The following PSMD14 variants were observed in gnomAD, a reference collection of about 807,000 sequenced individuals.
PSMD14 encodes the protein proteasome 26S subunit, non-ATPase 14.
Under a neutral mutation model 41.2 loss-of-function variants are expected in PSMD14, and 7 were observed. The ratio of observed to expected loss-of-function variants is 0.17; its 90% CI spans 0.10 to 0.32. The LOEUF is 0.32. PSMD14 is among the 10% of genes least tolerant of loss of function. The probability of loss-of-function intolerance (pLI) is 1.00; values close to 1 mark genes in which losing one functional copy is unlikely to be tolerated. For missense variants in PSMD14, 139 were observed against 375.6 expected (o/e 0.37, Z 5.21); for synonymous variants, 114 against 122.3 (o/e 0.93, Z 0.45).
intron 3 of PSMD14, among the ~76,000 whole-genome samples, chr2:161,336,311 A>T (rs1047741057): frequency 8.5e-5 from 13 of 152,334 alleles, no homozygotes; most frequent in Admixed American, 7.2e-4. Flanking sequence ...AAGCAGAGTC[A>T]CCATATTAAT....
At chr2:161,403,825 G>T (rs1683913156) in intron 10 of PSMD14, among the ~76,000 whole-genome samples, 1 of 151,790 alleles carries the variant, frequency 6.6e-6, no homozygotes, top group Admixed American at 6.6e-5. Flanking sequence ...TCACTTTTGA[G>T]ACCCTCACCA....
intron 10 of PSMD14, among the ~76,000 whole-genome samples, chr2:161,395,618 C>T (rs1330695604): frequency 3.9e-5 from 6 of 152,130 alleles, no homozygotes; most frequent in Non-Finnish European, 5.9e-5. Context: ...ATTTTATGAA[C>T]GTTTCCATTA....
chr2:161,389,889 G>GTTGTTGTTTTTTGTTTTTTTTTT, intron 8 of PSMD14, among the ~76,000 whole-genome samples: 1 of 20,042 alleles, frequency 5.0e-5, no homozygotes, highest in Non-Finnish European at 1.0e-4. Flanking sequence ...CTTTTTTGTT[G>GTTGTTGTTTTTTGTTTTTTTTTT]TTTTTTTTTT....
chr2:161,335,049 G>C (rs1343442371), intron 3 of PSMD14, among the ~76,000 whole-genome samples: 1 of 152,228 alleles, frequency 6.6e-6, no homozygotes, highest in African/African-American at 2.4e-5. Context: ...CCATGCCTCA[G>C]AACTTCTGAG....
intron 8 of PSMD14, among the ~76,000 whole-genome samples, chr2:161,389,907 T>TTTTTTTTTTTTTTTTG (rs1683689519): frequency 8.0e-6 from 1 of 125,062 alleles, no homozygotes; most frequent in Non-Finnish European, 1.7e-5. Flanking sequence ...TTTTTTTTTT[T>TTTTTTTTTTTTTTTTG]TTTTTAGAGA....
At chr2:161,332,220 T>C (rs539615613) in intron 3 of PSMD14, among the ~76,000 whole-genome samples, 7 of 152,342 alleles carry the variant, frequency 4.6e-5, no homozygotes, top group Admixed American at 6.5e-5. Context: ...TTTCATTTTA[T>C]TCCCTATGAT....
At chr2:161,353,761 T>C (rs1683152835) in intron 3 of PSMD14, among the ~76,000 whole-genome samples, 1 of 152,218 alleles carries the variant, frequency 6.6e-6, no homozygotes, top group Non-Finnish European at 1.5e-5. Flanking sequence ...GGGCAGGGAC[T>C]TTCCTACTTG....
intron 11 of PSMD14, among the ~76,000 whole-genome samples, chr2:161,410,777 C>A (rs1684012943): frequency 6.6e-6 from 1 of 151,988 alleles, no homozygotes; most frequent in African/African-American, 2.4e-5. Flanking sequence ...AGAATATTTT[C>A]TGAATCATTT....
At chr2:161,351,691 A>G (rs1683118878) in intron 3 of PSMD14, among the ~76,000 whole-genome samples, 1 of 152,210 alleles carries the variant, frequency 6.6e-6, no homozygotes, top group African/African-American at 2.4e-5. Context: ...AAAACCAGAA[A>G]GCTTTCTTTT....
intron 3 of PSMD14, among the ~76,000 whole-genome samples, chr2:161,342,083 A>C (rs1010861608): frequency 6.6e-6 from 1 of 152,084 alleles, no homozygotes; most frequent in Non-Finnish European, 1.5e-5. Context: ...TATGTTTTGC[A>C]TGTGGATATC....
chr2:161,319,973 T>G (rs1259585849), intron 3 of PSMD14, among the ~76,000 whole-genome samples: 1 of 152,236 alleles, frequency 6.6e-6, no homozygotes, highest in African/African-American at 2.4e-5. Flanking sequence ...AGCCTATTTC[T>G]TCATGATTCT....
chr2:161,402,448 G>A (rs903951300), intron 10 of PSMD14, among the ~76,000 whole-genome samples: 1 of 151,962 alleles, frequency 6.6e-6, no homozygotes, highest in Non-Finnish European at 1.5e-5. Context: ...TTCAAGGCCT[G>A]GGCAACATAG....
chr2:161,394,148 T>C (rs896021702), intron 9 of PSMD14, among the ~76,000 whole-genome samples: 1 of 151,796 alleles, frequency 6.6e-6, no homozygotes, highest in African/African-American at 2.4e-5. Flanking sequence ...ATTTTTGTGT[T>C]TTTAGTAGCG....
chr2:161,366,833 C>T (rs998589132), intron 3 of PSMD14, among the ~76,000 whole-genome samples: 1 of 152,174 alleles, frequency 6.6e-6, no homozygotes, highest in African/African-American at 2.4e-5. Context: ...AACATAGTGT[C>T]TTCCTTAGTA....
intron 3 of PSMD14, among the ~76,000 whole-genome samples, chr2:161,342,568 A>G (rs1034845920): frequency 1.3e-5 from 2 of 151,842 alleles, no homozygotes; most frequent in African/African-American, 4.8e-5. Flanking sequence ...CCTATTTGAA[A>G]TAAGTTTCTT....
chr2:161,354,631 T>A (rs1271895185), intron 3 of PSMD14, among the ~76,000 whole-genome samples: 1 of 152,206 alleles, frequency 6.6e-6, no homozygotes, highest in African/African-American at 2.4e-5. Flanking sequence ...CACACACACA[T>A]AGAAACTTTG....
chr2:161,328,097 C>T (rs558576703), intron 3 of PSMD14, among the ~76,000 whole-genome samples: 14 of 151,664 alleles, frequency 9.2e-5, no homozygotes, highest in Non-Finnish European at 1.9e-4. Context: ...AAAGTCACTT[C>T]GGAGAGCAAT....
At chr2:161,372,519 T>C (rs1683449493) in intron 7 of PSMD14, among the ~76,000 whole-genome samples, 1 of 152,010 alleles carries the variant, frequency 6.6e-6, no homozygotes, top group Admixed American at 6.6e-5. Context: ...GTGATTTAGC[T>C]TTTCAGAGGC....
rs1390418195 is a variant in PSMD14 at position 161,408,994 on chromosome 2, C to T, written c.834+95C>T. 12 of 951,132 alleles carry T rather than the reference C, an allele frequency of 1.3e-5. No homozygotes were observed. The Admixed American group carries it at 1.5e-4, about 12-fold the overall frequency. 58.9% of individuals were successfully genotyped at this position (951,132 alleles called of 1,614,324 possible). On this transcript the variant is annotated intron_variant, in intron 11 of 11. Transcript: ENST00000409682. The stretch of plus-strand genomic sequence containing the variant: ...GGGCCTATATAATTTTTTTCCTGTC[C>T]ACTCTATGTTTTTCTTCTGTCATGT...
Sources: gnomAD v4.1 joint callset for allele counts (sites outside exome capture counted in the v4.1 genomes callset) on GRCh38, gnomAD v4.1.1 for gene constraint, MANE v1.5 for transcripts, NCBI Gene and HGNC (gene_info 2026-07-23, HGNC 2026-07-21) for gene names.